The following PTPRG variants were observed in gnomAD, a reference collection of about 807,000 sequenced individuals.
PTPRG encodes the protein receptor-type tyrosine-protein phosphatase gamma.
PTPRG carries 102 observed loss-of-function variants against 165.3 expected under a neutral mutation model. The observed-to-expected ratio is 0.62, with a 90% CI of 0.53 to 0.73. PTPRG has a LOEUF of 0.73. Ranked by LOEUF, PTPRG falls within the 30% of genes least tolerant of loss-of-function variation. PTPRG has a pLI of 0.00. For synonymous variants in PTPRG, 675 were observed against 669.5 expected, an observed-to-expected ratio of 1.01 and a Z score of -0.13; for missense variants, 1,866 against 1,861.4, an observed-to-expected ratio of 1.00 and a Z score of -0.05.
intron 2 of PTPRG, among the ~76,000 whole-genome samples, chr3:61,983,345 A>G (rs1156722795): frequency 6.6e-6 from 1 of 152,152 alleles, no homozygotes; most frequent in Non-Finnish European, 1.5e-5. Flanking sequence ...AATGATACAC[A>G]TATTTTTGGA....
intron 2 of PTPRG, among the ~76,000 whole-genome samples, chr3:61,815,740 G>C (rs936127903): frequency 8.5e-5 from 13 of 152,190 alleles, no homozygotes; most frequent in Non-Finnish European, 1.9e-4. Flanking sequence ...TTAGGTTAAG[G>C]GAAGCCCACA....
chr3:62,006,347 C>T (rs2041297813), intron 4 of PTPRG, among the ~76,000 whole-genome samples: 3 of 152,128 alleles, frequency 2.0e-5, no homozygotes, highest in Admixed American at 1.3e-4. Context: ...CTTGCCTTTG[C>T]CCAAAGTGTG....
intron 2 of PTPRG, among the ~76,000 whole-genome samples, chr3:61,877,477 T>C (rs1233864146): frequency 1.3e-5 from 2 of 151,752 alleles, no homozygotes; most frequent in Admixed American, 1.3e-4. Flanking sequence ...TGTTGTGTAG[T>C]TTATCATTAG....
chr3:62,271,441 A>G lies in PTPRG; in HGVS notation c.3068A>G (p.Tyr1023Cys). ...QNERVVIQYH[Y>C]TQWPDMGVPE... ...GAAAGGGTAGTGATCCAGTATCACT[A>G]TACACAGTGGCCTGACATGGGAGTT... The change falls in exon 21 of 30, where the codon TAT becomes TGT. Residue 1023 changes from tyrosine to cysteine, a missense_variant. Physicochemically the swap from Tyr to Cys is radical, Grantham distance 194 (BLOSUM62 -2). This residue lies in a region of PTPRG where 1,452 missense variants were observed against 1,463.0 expected (regional missense o/e 0.99). Coordinates refer to ENST00000474889, the MANE Select transcript of PTPRG (RefSeq NM_002841.4). This position sits in a 1 kb window ranked among gnomAD's most constrained non-coding sequence, Gnocchi z 4.1. The G allele has an allele frequency of 6.2e-7, 1 of 1,613,756 alleles. No homozygotes were observed. Among genetic ancestry groups the G allele is most frequent in the Non-Finnish European group, 8.5e-7 (1 of 1,179,634 alleles).
intron 2 of PTPRG, among the ~76,000 whole-genome samples, chr3:61,956,381 C>T (rs73842167): frequency 0.013 from 1,959 of 151,684 alleles, 42 homozygotes; most frequent in African/African-American, 0.046. Flanking sequence ...TTCCAGCTGT[C>T]GGCAGCAGAA....
chr3:61,681,551 G>A (rs1365620935), intron 1 of PTPRG, among the ~76,000 whole-genome samples: 8 of 152,242 alleles, frequency 5.3e-5, no homozygotes, highest in Admixed American at 3.3e-4. Flanking sequence ...GGACTCGGCC[G>A]TTTGTTTCAC....
chr3:62,233,194 T>TGGATTC lies in PTPRG; in HGVS notation c.2375+1883_2375+1884insGGATTC, dbSNP rs1700944703. On this transcript the variant is annotated intron_variant, in intron 14 of 29. Coordinates refer to ENST00000474889, the MANE Select transcript of PTPRG (RefSeq NM_002841.4). The surrounding 1 kb of genome is among the most constrained non-coding windows in gnomAD (Gnocchi z 4.7). ...CTGCAGCGGCGTGAATCCTGAGCAGTACCCCCTCTCACAGCTACATGTGCT... is the reference window on the plus strand; with the variant it reads ...CTGCAGCGGCGTGAATCCTGAGCAGTGGATTCACCCCCTCTCACAGCTACATGTGCT... Among the ~76,000 whole-genome samples the TGGATTC allele has an allele frequency of 6.6e-6, 1 of 152,166 alleles. No individual in the cohort carries two copies. Among genetic ancestry groups the TGGATTC allele is most frequent in the South Asian group, 2.1e-4 (1 of 4,828 alleles).
intron 4 of PTPRG, among the ~76,000 whole-genome samples, chr3:62,013,631 A>G (rs535612163): frequency 6.6e-6 from 1 of 152,350 alleles, no homozygotes; most frequent in African/African-American, 2.4e-5. Context: ...ATGTTTCACT[A>G]TAATCATCAT....
intron 15 of PTPRG, among the ~76,000 whole-genome samples, chr3:62,246,069 T>C (rs1481634968): frequency 6.6e-6 from 1 of 152,200 alleles, no homozygotes. Flanking sequence ...TCTTTTTCCC[T>C]TTTAAATATG....
chr3:62,200,762 G>A (rs1700079817), intron 10 of PTPRG, among the ~76,000 whole-genome samples: 1 of 152,158 alleles, frequency 6.6e-6, no homozygotes, highest in African/African-American at 2.4e-5. Flanking sequence ...GTAGCTTACA[G>A]GATTTTAAAA....
At chr3:61,921,218 G>T (rs1312433506) in intron 2 of PTPRG, among the ~76,000 whole-genome samples, 1 of 151,242 alleles carries the variant, frequency 6.6e-6, no homozygotes, top group African/African-American at 2.4e-5. Flanking sequence ...TTAGCTTTAG[G>T]AAAGTCTTAT....
chr3:61,785,369 T>G (rs1039833251), intron 2 of PTPRG, among the ~76,000 whole-genome samples: 2 of 152,186 alleles, frequency 1.3e-5, no homozygotes, highest in Non-Finnish European at 2.9e-5. Context: ...TCTAGAACAT[T>G]GTAGAAGAGA....
intron 2 of PTPRG, among the ~76,000 whole-genome samples, chr3:61,902,002 T>C (rs2038510446): frequency 6.6e-6 from 1 of 152,240 alleles, no homozygotes; most frequent in South Asian, 2.1e-4. Flanking sequence ...TGAAACGTGG[T>C]AATAAAGAGC....
chr3:61,626,244 C>T (rs1334855978), intron 1 of PTPRG, among the ~76,000 whole-genome samples: 1 of 152,126 alleles, frequency 6.6e-6, no homozygotes, highest in Non-Finnish European at 1.5e-5. Flanking sequence ...TTATTCTAGT[C>T]TCTAATTGTC....
intron 3 of PTPRG, among the ~76,000 whole-genome samples, chr3:61,996,292 C>T (rs144322698): frequency 6.6e-6 from 1 of 152,106 alleles, no homozygotes; most frequent in Admixed American, 6.5e-5. Context: ...TTCAAACTCA[C>T]CTGGTACCAA....
intron 2 of PTPRG, among the ~76,000 whole-genome samples, chr3:61,765,088 A>T (rs577458913): frequency 5.9e-5 from 9 of 152,190 alleles, no homozygotes; most frequent in Non-Finnish European, 1.2e-4. Context: ...GTGAGGTTCT[A>T]CCTTTCTAGC....
At chr3:62,065,412 C>T (rs1467498100) in intron 4 of PTPRG, among the ~76,000 whole-genome samples, 1 of 152,118 alleles carries the variant, frequency 6.6e-6, no homozygotes, top group Admixed American at 6.5e-5. Context: ...TCTGTCTGAT[C>T]AATGAACTGT....
intron 2 of PTPRG, among the ~76,000 whole-genome samples, chr3:61,863,631 A>G (rs779896016): frequency 1.3e-5 from 2 of 152,118 alleles, no homozygotes; most frequent in Non-Finnish European, 2.9e-5. Flanking sequence ...CCAGATTTTC[A>G]GTGTGGGCCT....
intron 3 of PTPRG, among the ~76,000 whole-genome samples, chr3:62,002,119 A>C (rs1200969684): frequency 6.6e-6 from 1 of 152,208 alleles, no homozygotes; most frequent in African/African-American, 2.4e-5. Context: ...GAATGCAATA[A>C]AAAGGGATTT....
Sources: gnomAD v4.1 joint callset for allele counts (sites outside exome capture counted in the v4.1 genomes callset) on GRCh38, gnomAD v4.1.1 for gene constraint, gnomAD v4.1.1 regional missense constraint, Gnocchi (gnomAD v3.1) non-coding constraint, MANE v1.5 for transcripts, NCBI Gene and HGNC (gene_info 2026-07-23, HGNC 2026-07-21) for gene names.